GNG7: variants seen among roughly 807,000 people sequenced by gnomAD.
GNG7 encodes guanine nucleotide-binding protein G(I)/G(S)/G(O) subunit gamma-7.
Under a neutral mutation model 4.0 loss-of-function variants are expected in GNG7, and 1 was observed. That is an observed-to-expected ratio of 0.25 (90% CI 0.09 to 1.18). The LOEUF (loss-of-function observed/expected upper bound fraction) is 1.18. GNG7 is among the 50% of genes most tolerant of loss of function. The pLI, the probability that GNG7 is intolerant of heterozygous loss-of-function variation, is 0.50. For missense variants in GNG7, 86 were observed against 91.9 expected, an observed-to-expected ratio of 0.94 and a Z score of 0.26; for synonymous variants, 34 against 36.9, an observed-to-expected ratio of 0.92 and a Z score of 0.29.
In GNG7 at chr19:2,535,694, C is replaced by T. The variant is rs141612280; in HGVS notation, c.-37-14969G>A. Among the ~76,000 whole-genome samples, 678 of 152,238 alleles carry T rather than the reference C, an allele frequency of 4.5e-3. 3 individuals carry two copies. The highest frequency in any genetic ancestry group is 7.2e-3 in the Non-Finnish European group (492 of 68,016). ...CTTCAAATGTTATTTCTTTTTGGAACACATGTTTTTTAATGGCTTCTAGCA... is the reference window on the plus strand; with the variant it reads ...CTTCAAATGTTATTTCTTTTTGGAATACATGTTTTTTAATGGCTTCTAGCA... On this transcript the variant is annotated intron_variant, in intron 3 of 4. Coordinates refer to ENST00000382159, the MANE Select transcript of GNG7 (RefSeq NM_052847.3).
At position 2,512,143 on chromosome 19, in the gene GNG7, G is replaced by A; in HGVS notation, c.*2879C>T. ...TTTTCCCCTGGCGTAGCTGAGAGAGGCTTGTCCCCCCAAGGCTAGAGCTGC... is the reference window on the plus strand; with the variant it reads ...TTTTCCCCTGGCGTAGCTGAGAGAGACTTGTCCCCCCAAGGCTAGAGCTGC... On this transcript the variant is annotated 3_prime_UTR_variant, in exon 5 of 5. Transcript: ENST00000382159. This position sits in a 1 kb window ranked among gnomAD's most constrained non-coding sequence, Gnocchi z 4.7. 2.0e-6 allele frequency: 2 copies of A among 985,834 alleles called. No homozygotes were observed. The highest frequency in any genetic ancestry group is 9.4e-5 in the South Asian group (2 of 21,292). The allele number at this position is 985,834 out of a possible 1,614,324, so 61.1% of individuals were successfully genotyped here. A position where few individuals can be genotyped will look rare whatever the true frequency, so the allele number is the denominator to read the frequency against.
At chr19:2,613,881 C>T (rs1981643551) in intron 2 of GNG7, among the ~76,000 whole-genome samples, 1 of 152,232 alleles carries the variant, frequency 6.6e-6, no homozygotes, top group Admixed American at 6.5e-5. Context: ...GGGACCCTGG[C>T]TATGCCAAGA....
chr19:2,634,465 C>T lies in GNG7; in HGVS notation c.-78+11759G>A, dbSNP rs900541657. On this transcript the variant is annotated intron_variant, in intron 2 of 4. Coordinates refer to ENST00000382159, the MANE Select transcript of GNG7 (RefSeq NM_052847.3). This position sits in a 1 kb window ranked among gnomAD's most constrained non-coding sequence, Gnocchi z 5.3. ...GGTCATGTCCAAGCTCTCCTACCGCCGGGAAGCACTGCCTTGTCCTGGGCT... is the reference window on the plus strand; with the variant it reads ...GGTCATGTCCAAGCTCTCCTACCGCTGGGAAGCACTGCCTTGTCCTGGGCT... Among the ~76,000 whole-genome samples, 17 of 152,166 alleles carry T rather than the reference C, an allele frequency of 1.1e-4. No individual in the cohort carries two copies. Among genetic ancestry groups the T allele is most frequent in the Non-Finnish European group, 1.8e-4 (12 of 68,028 alleles).
chr19:2,580,268 T>C (rs1232783213), intron 2 of GNG7, among the ~76,000 whole-genome samples: 1 of 147,296 alleles, frequency 6.8e-6, no homozygotes, highest in African/African-American at 2.6e-5. Flanking sequence ...GCAGCCCTGC[T>C]GCTCTCTGTC....
intron 2 of GNG7, among the ~76,000 whole-genome samples, chr19:2,576,781 G>A (rs981955359): frequency 4.0e-5 from 6 of 151,752 alleles, no homozygotes; most frequent in East Asian, 1.9e-4. Context: ...ACTCCTGAAC[G>A]CAAGCGATCC....
At chr19:2,575,938 G>C (rs1980320454) in intron 2 of GNG7, among the ~76,000 whole-genome samples, 1 of 143,888 alleles carries the variant, frequency 6.9e-6, no homozygotes, top group African/African-American at 2.8e-5. Context: ...GGCACATACA[G>C]ACACACAAAG....
At chr19:2,688,876 G>A (rs1288049015) in intron 1 of GNG7, among the ~76,000 whole-genome samples, 1 of 151,996 alleles carries the variant, frequency 6.6e-6, no homozygotes, top group East Asian at 1.9e-4. Flanking sequence ...GACCAGCCTA[G>A]GCAAAATAGC....
intron 1 of GNG7, among the ~76,000 whole-genome samples, chr19:2,673,603 G>A (rs928696942): frequency 6.6e-6 from 1 of 151,074 alleles, no homozygotes; most frequent in African/African-American, 2.4e-5. Flanking sequence ...TGAGGCAGGA[G>A]GATCATTTGA....
intron 1 of GNG7, among the ~76,000 whole-genome samples, chr19:2,656,780 A>G (rs1982987417): frequency 6.6e-6 from 1 of 152,178 alleles, no homozygotes; most frequent in Non-Finnish European, 1.5e-5. Context: ...GCCTCGACAG[A>G]GAGCACATGG....
At chr19:2,605,671 A>G (rs1213615341) in intron 2 of GNG7, among the ~76,000 whole-genome samples, 5 of 147,738 alleles carry the variant, frequency 3.4e-5, no homozygotes, top group South Asian at 2.2e-4. Flanking sequence ...GCGCCACCAC[A>G]CCCAGCTAAT....
intron 1 of GNG7, among the ~76,000 whole-genome samples, chr19:2,696,342 G>A (rs1393560740): frequency 2.3e-5 from 3 of 128,584 alleles, no homozygotes; most frequent in Non-Finnish European, 4.9e-5. Flanking sequence ...AAGAAAGAAA[G>A]AAAGAAAAGA....
chr19:2,587,964 A>G (rs12984901), intron 2 of GNG7, among the ~76,000 whole-genome samples: 9 of 152,182 alleles, frequency 5.9e-5, no homozygotes, highest in Non-Finnish European at 1.2e-4. Context: ...AAGAACAGGA[A>G]CAAGATAAGG....
intron 1 of GNG7, among the ~76,000 whole-genome samples, chr19:2,661,188 G>A (rs1192350024): frequency 2.1e-5 from 3 of 139,556 alleles, no homozygotes; most frequent in African/African-American, 8.0e-5. Flanking sequence ...TCCAGCCTGG[G>A]CAACAAGAGC....
intron 2 of GNG7, among the ~76,000 whole-genome samples, chr19:2,592,260 A>T (rs1980868632): frequency 2.6e-5 from 4 of 152,216 alleles, no homozygotes; most frequent in Admixed American, 2.6e-4. Flanking sequence ...CTCACTGATC[A>T]CACTGACAAA....
intron 2 of GNG7, among the ~76,000 whole-genome samples, chr19:2,624,107 G>A (rs978833983): frequency 2.6e-5 from 4 of 152,118 alleles, no homozygotes; most frequent in African/African-American, 9.7e-5. Flanking sequence ...TGGGAAGATG[G>A]AAAGTTCTGG....
chr19:2,594,464 C>T (rs1050951525), intron 2 of GNG7, among the ~76,000 whole-genome samples: 1 of 147,502 alleles, frequency 6.8e-6, no homozygotes, highest in Admixed American at 6.7e-5. Flanking sequence ...AAAGAAACTG[C>T]AAATTTAAAA....
intron 2 of GNG7, among the ~76,000 whole-genome samples, chr19:2,586,414 A>T (rs112915933): frequency 6.1e-4 from 93 of 152,292 alleles, no homozygotes; most frequent in African/African-American, 2.2e-3. Context: ...CGAGGGCCGC[A>T]AATGGGGAAT....
At chr19:2,677,114 C>G (rs967620902) in intron 1 of GNG7, among the ~76,000 whole-genome samples, 1 of 152,104 alleles carries the variant, frequency 6.6e-6, no homozygotes, top group Non-Finnish European at 1.5e-5. Context: ...CATATATGCT[C>G]GCAAGAATTC....
chr19:2,554,381 T>C (rs1308311224), intron 3 of GNG7, among the ~76,000 whole-genome samples: 2 of 148,978 alleles, frequency 1.3e-5, no homozygotes, highest in African/African-American at 4.9e-5. Context: ...TCTCACTCTG[T>C]CACCTAGGCT....
Sources: gnomAD v4.1 joint callset for allele counts (sites outside exome capture counted in the v4.1 genomes callset) on GRCh38, gnomAD v4.1.1 for gene constraint, Gnocchi (gnomAD v3.1) non-coding constraint, MANE v1.5 for transcripts, NCBI Gene and HGNC (gene_info 2026-07-23, HGNC 2026-07-21) for gene names.